The following IL1RAPL1 variants were observed in gnomAD, a reference collection of about 807,000 sequenced individuals.
IL1RAPL1 encodes the protein interleukin 1 receptor accessory protein like 1.
A neutral mutation model predicts 48.4 loss-of-function variants in IL1RAPL1; 3 were observed. The ratio of observed to expected loss-of-function variants is 0.06; its 90% CI spans 0.03 to 0.16. The LOEUF is 0.16. Among genes scored for constraint, IL1RAPL1 ranks in the 10% least tolerant of loss-of-function variants. IL1RAPL1 has a pLI of 1.00. For missense variants in IL1RAPL1, 349 were observed against 530.6 expected, an observed-to-expected ratio of 0.66 and a Z score of 3.36; for synonymous variants, 185 against 187.7, an observed-to-expected ratio of 0.99 and a Z score of 0.12.
At chrX:29,531,169 G>T (rs1257666636) in intron 5 of IL1RAPL1, among the ~76,000 whole-genome samples, 1 of 104,700 alleles carries the variant, frequency 9.6e-6, no homozygotes, top group African/African-American at 3.5e-5. Flanking sequence ...AAAAAAATCT[G>T]TTTTTTTTTT....
At chrX:29,223,348 C>G (rs983867801) in intron 2 of IL1RAPL1, among the ~76,000 whole-genome samples, 4 of 111,098 alleles carry the variant, frequency 3.6e-5, no homozygotes, top group African/African-American at 1.3e-4. Flanking sequence ...ACTAGCCACA[C>G]TAATTAGTGG....
chrX:28,819,667 A>G (rs1293264770), intron 2 of IL1RAPL1, among the ~76,000 whole-genome samples: 1 of 109,772 alleles, frequency 9.1e-6, no homozygotes. Flanking sequence ...ATTTAGTTAT[A>G]TAAATCATTC....
At chrX:29,228,785 G>A (rs1047205143) in intron 2 of IL1RAPL1, among the ~76,000 whole-genome samples, 66 of 112,247 alleles carry the variant, frequency 5.9e-4, no homozygotes, top group Non-Finnish European at 3.4e-4. Context: ...TCCGTGGACT[G>A]GCTTTTGCTG....
At chrX:29,955,020 A>G (rs1031782290) in intron 10 of IL1RAPL1, 82 bp from the exon 11 acceptor site, 161 of 806,808 alleles carry the variant, frequency 2.0e-4, no homozygotes, top group South Asian at 8.3e-5. Context: ...GTTTCATTTA[A>G]TTTCTGAAAG....
At chrX:29,056,933 A>G (rs1448264325) in intron 2 of IL1RAPL1, among the ~76,000 whole-genome samples, 1 of 112,251 alleles carries the variant, frequency 8.9e-6, no homozygotes, top group Non-Finnish European at 1.9e-5. Context: ...CACATTAACT[A>G]TTTCAAGCAA....
chrX:29,543,304 C>T (rs1334868908), intron 5 of IL1RAPL1, among the ~76,000 whole-genome samples: 2 of 110,259 alleles, frequency 1.8e-5, no homozygotes, highest in Non-Finnish European at 3.8e-5. Flanking sequence ...TTAATATATA[C>T]GTTGGAAGAA....
chrX:29,934,464 C>T (rs1050600617), intron 8 of IL1RAPL1, among the ~76,000 whole-genome samples: 2 of 112,098 alleles, frequency 1.8e-5, no homozygotes, highest in Non-Finnish European at 3.8e-5. Flanking sequence ...ACCTGAAGTA[C>T]ACTCTAATTA....
chrX:29,314,501 A>T (rs1436939752), intron 3 of IL1RAPL1, among the ~76,000 whole-genome samples: 2 of 112,773 alleles, frequency 1.8e-5, no homozygotes, highest in Non-Finnish European at 3.8e-5. Flanking sequence ...TGTAGTTCAG[A>T]TAAATGCAGT....
intron 2 of IL1RAPL1, among the ~76,000 whole-genome samples, chrX:29,088,457 C>G (rs1024130951): frequency 4.6e-5 from 5 of 109,655 alleles, no homozygotes; most frequent in Non-Finnish European, 9.5e-5. Flanking sequence ...GGGCAAATCA[C>G]CTGAGGTCAA....
chrX:29,195,903 G>A (rs1362503166), intron 2 of IL1RAPL1, among the ~76,000 whole-genome samples: 2 of 110,980 alleles, frequency 1.8e-5, no homozygotes, highest in Admixed American at 9.6e-5. Flanking sequence ...TCCAATTTCT[G>A]TAGAAATTTA....
At chrX:29,940,839 G>A (rs1201955036) in intron 8 of IL1RAPL1, among the ~76,000 whole-genome samples, 2 of 112,113 alleles carry the variant, frequency 1.8e-5, no homozygotes, top group African/African-American at 6.5e-5. Context: ...GTAGTAACAT[G>A]CCTGGTAAAA....
chrX:29,138,515 C>T (rs1353800412), intron 2 of IL1RAPL1, among the ~76,000 whole-genome samples: 1 of 110,735 alleles, frequency 9.0e-6, no homozygotes, highest in Non-Finnish European at 1.9e-5. Context: ...TGCCGGTAAT[C>T]CCGGCACTTT....
chrX:28,650,276 C>A (rs1294937794), intron 1 of IL1RAPL1, among the ~76,000 whole-genome samples: 1 of 111,290 alleles, frequency 9.0e-6, no homozygotes, highest in Non-Finnish European at 1.9e-5. Context: ...TGAGACTGGG[C>A]AAATTACAAA....
rs1928724736 is a variant in IL1RAPL1 at position 29,760,306 on chromosome X, C to T, written c.778+91802C>T. Among the ~76,000 whole-genome samples the T allele has an allele frequency of 6.3e-5, 7 of 111,223 alleles. No homozygotes were observed. The South Asian group carries it at 2.7e-3, about 42-fold the overall frequency. The stretch of plus-strand genomic sequence containing the variant: ...GATCGGTTCTCAAAATACAGCCTAA[C>T]ATTGATGGACTCTGTCGATGGCAAT... On this transcript the variant is annotated intron_variant, in intron 6 of 10. Coordinates refer to ENST00000378993, the MANE Select transcript of IL1RAPL1 (RefSeq NM_014271.4).
In IL1RAPL1 at chrX:28,989,294, A is replaced by G. The variant is rs35640388; in HGVS notation, c.82+199869A>G. Among the ~76,000 whole-genome samples, 894 of 112,510 alleles carry G rather than the reference A, an allele frequency of 7.9e-3. 4 individuals carry two copies. Among genetic ancestry groups the G allele is most frequent in the Non-Finnish European group, 0.014 (736 of 53,279 alleles). On this transcript the variant is annotated intron_variant, in intron 2 of 10. Coordinates refer to ENST00000378993, the MANE Select transcript of IL1RAPL1 (RefSeq NM_014271.4). ...CTCTTATCTTCTGCAGTGGAAGCCA[A>G]TGCTTCTCACTTCTTTTATATTTCA... is the stretch of plus-strand genomic sequence containing the variant.
chrX:29,370,761 A>G (rs960861623), intron 3 of IL1RAPL1, among the ~76,000 whole-genome samples: 22 of 110,837 alleles, frequency 2.0e-4, no homozygotes, highest in Non-Finnish European at 3.6e-4. Context: ...TATAAATAAT[A>G]TTTACATATA....
intron 1 of IL1RAPL1, among the ~76,000 whole-genome samples, chrX:28,726,484 G>T (rs902220270): frequency 1.8e-5 from 2 of 112,111 alleles, no homozygotes; most frequent in Admixed American, 9.5e-5. Flanking sequence ...CAATATTTTT[G>T]TAGTGACTGT....
At chrX:29,116,004 T>C (rs780699915) in intron 2 of IL1RAPL1, among the ~76,000 whole-genome samples, 1 of 111,687 alleles carries the variant, frequency 9.0e-6, no homozygotes, top group Admixed American at 9.5e-5. Context: ...TCTTTCCAGA[T>C]AAATTAAGAA....
intron 3 of IL1RAPL1, among the ~76,000 whole-genome samples, chrX:29,363,443 A>G (rs1027632720): frequency 2.7e-5 from 3 of 111,883 alleles, no homozygotes; most frequent in African/African-American, 6.5e-5. Flanking sequence ...AAATATTAAT[A>G]AACAGAGAAA....
Sources: gnomAD v4.1 joint callset for allele counts (sites outside exome capture counted in the v4.1 genomes callset) on GRCh38, gnomAD v4.1.1 for gene constraint, MANE v1.5 for transcripts, NCBI Gene and HGNC (gene_info 2026-07-23, HGNC 2026-07-21) for gene names.